Variants in ARSD observed in about 807,000 individuals in gnomAD.
ARSD encodes testis tissue sperm-binding protein Li 39a.
Under a neutral mutation model 32.6 loss-of-function variants are expected in ARSD, and 21 were observed. The observed-to-expected ratio is 0.64, with a 90% CI of 0.46 to 0.93. The LOEUF (loss-of-function observed/expected upper bound fraction) is 0.93, where lower values mean the gene tolerates loss of function less well. ARSD is among the 40% of genes least tolerant of loss of function. The probability of loss-of-function intolerance (pLI) is 0.00; values close to 1 mark genes in which losing one functional copy is unlikely to be tolerated. For missense variants in ARSD, 454 were observed against 520.9 expected (o/e 0.87, Z 1.25); for synonymous variants, 224 against 237.4 (o/e 0.94, Z 0.52).
intron 1 of ARSD, among the ~76,000 whole-genome samples, chrX:2,927,625 AAAGGACCG>A (rs1452784349): frequency 8.9e-6 from 1 of 112,132 alleles, no homozygotes; most frequent in Non-Finnish European, 1.9e-5. Context: ...CTAAGTAACA[AAAGGACCG>A]AAGGCTTCCC....
intron 8 of ARSD, 28 bp downstream of exon 8, chrX:2,909,789 G>C: frequency 2.7e-6 from 3 of 1,116,607 alleles, no homozygotes; most frequent in Non-Finnish European, 3.5e-6. Context: ...AAAAAAATCA[G>C]GGAACAGGCA....
chrX:2,926,965 C>T (rs1358331514), intron 1 of ARSD, among the ~76,000 whole-genome samples: 1 of 107,316 alleles, frequency 9.3e-6, no homozygotes, highest in African/African-American at 3.4e-5. Context: ...CGTGGCTGTG[C>T]TCTCCGGGGA....
intron 1 of ARSD, among the ~76,000 whole-genome samples, chrX:2,927,231 C>T (rs1377890633): frequency 1.4e-5 from 1 of 73,443 alleles, no homozygotes; most frequent in African/African-American, 7.4e-5. Flanking sequence ...AAGGAAAATC[C>T]TAACTTTCCT....
At chrX:2,910,020 C>T in intron 7 of ARSD, 41 bp from the exon 8 acceptor site, 1 of 1,205,519 alleles carries the variant, frequency 8.3e-7, no homozygotes, top group Non-Finnish European at 1.1e-6. Flanking sequence ...CCGGAAACTG[C>T]CCAGTCTGTA....
intron 1 of ARSD, among the ~76,000 whole-genome samples, chrX:2,928,930 C>G (rs188001211): frequency 2.7e-5 from 3 of 112,216 alleles, no homozygotes; most frequent in Non-Finnish European, 5.7e-5. Context: ...CTTCCTCCGC[C>G]CTCCCTTCCC....
chrX:2,906,333 C>A lies in ARSD; in HGVS notation c.*938G>T, dbSNP rs2088851938. Reference sequence around the variant, plus strand: ...TTTGTTTTTTGTAGAGATGAGGTCTCACTGTGTTGCTCAGGCTGGGTAGGT... The same window carrying A: ...TTTGTTTTTTGTAGAGATGAGGTCTAACTGTGTTGCTCAGGCTGGGTAGGT... On this transcript the variant is annotated 3_prime_UTR_variant, in exon 10 of 10. Transcript: ENST00000381154. 9.1e-6 allele frequency: 1 copy of A among 110,464 alleles called. No individual in the cohort carries two copies. Among genetic ancestry groups the A allele is most frequent in the Non-Finnish European group, 1.9e-5 (1 of 52,942 alleles). The allele number at this position is 110,464 out of a possible 1,213,427, so 9.1% of individuals were successfully genotyped here.
Position 2,916,527 on chromosome X carries a change from G to A in ARSD, c.864-835C>T, listed in dbSNP as rs776245922. 1.3e-4 allele frequency among the ~76,000 whole-genome samples: 14 copies of A among 111,513 alleles called. No homozygotes were observed. In the East Asian group the frequency reaches 3.9e-3, roughly 31 times the overall value. ...AAAAGGTTATATCTGGTATATGTAC[G>A]TGATGGAATACTATTCAGCCATCAA... On this transcript the variant is annotated intron_variant, in intron 5 of 9. Transcript: ENST00000381154.
chrX:2,920,539 G>T (rs1405586011), intron 4 of ARSD, 62 bp downstream of exon 4: 2 of 1,205,184 alleles, frequency 1.7e-6, no homozygotes, highest in Admixed American at 4.4e-5. Context: ...CCTGGCCTGG[G>T]ATCTTTTTTA....
Position 2,907,105 on chromosome X carries a change from A to G in ARSD, c.*166T>C, listed in dbSNP as rs1247619782. The G allele has an allele frequency of 4.2e-6, 2 of 476,305 alleles. No individual in the cohort carries two copies. Among genetic ancestry groups the G allele is most frequent in the African/African-American group, 5.2e-5 (2 of 38,223 alleles). 39.3% of individuals were successfully genotyped at this position (476,305 alleles called of 1,213,427 possible). ...GCATTCCAGCCTGAGGGACAGAGCG[A>G]CACTCTGTCTCAAAAAAGAAAGAAA... is the stretch of plus-strand genomic sequence containing the variant. On this transcript the variant is annotated 3_prime_UTR_variant, in exon 10 of 10. Transcript: ENST00000381154.
chrX:2,922,842 CAAAAAAAAAAAAAAAAAAAA>C (rs60380048), intron 2 of ARSD, among the ~76,000 whole-genome samples: 5 of 43,723 alleles, frequency 1.1e-4, no homozygotes, highest in East Asian at 8.4e-4. Flanking sequence ...GACCGTGTCT[CAAAAAAAAAAAAAAAAAAAA>C]AAAAAAAAAG....
intron 9 of ARSD, among the ~76,000 whole-genome samples, chrX:2,908,248 T>C (rs1343580636): frequency 3.6e-5 from 4 of 111,260 alleles, no homozygotes; most frequent in African/African-American, 9.8e-5. Context: ...TCTATCTATC[T>C]ATCATCTATC....
intron 2 of ARSD, among the ~76,000 whole-genome samples, 189 bp from the exon 3 acceptor site, chrX:2,922,213 A>ATCTC (rs776777408): frequency 3.8e-5 from 4 of 105,780 alleles, no homozygotes; most frequent in Admixed American, 1.0e-4. Context: ...GATGGATGAC[A>ATCTC]TCTCTCTCTC....
chrX:2,917,239 A>G (rs2088970657), intron 5 of ARSD, among the ~76,000 whole-genome samples: 1 of 110,360 alleles, frequency 9.1e-6, no homozygotes, highest in Admixed American at 9.7e-5. Context: ...TGCAAAAAAA[A>G]AAGTTTAAAA....
intron 1 of ARSD, among the ~76,000 whole-genome samples, chrX:2,928,957 T>C (rs1350457312): frequency 1.8e-5 from 2 of 112,298 alleles, no homozygotes; most frequent in Admixed American, 1.9e-4. Flanking sequence ...CTTTGTTCTC[T>C]TTCCCTGCCC....
intron 7 of ARSD, among the ~76,000 whole-genome samples, chrX:2,910,440 C>A (rs1268541173): frequency 9.1e-6 from 1 of 109,694 alleles, no homozygotes; most frequent in Non-Finnish European, 1.9e-5. Context: ...TTATTTATAC[C>A]TCTCTGTATT....
chrX:2,910,885 T>C (rs2088896018), intron 6 of ARSD, 92 bp from the exon 7 acceptor site: 8 of 1,046,019 alleles, frequency 7.6e-6, no homozygotes, highest in Non-Finnish European at 1.0e-5. Flanking sequence ...AGACACCTCT[T>C]GCCAGGAAGT....
chrX:2,922,842 C>CAAAAAAAAAAAAAAAAAAAA (rs60380048), intron 2 of ARSD, among the ~76,000 whole-genome samples: 4 of 43,723 alleles, frequency 9.1e-5, no homozygotes, highest in African/African-American at 2.2e-4. Context: ...GACCGTGTCT[C>CAAAAAAAAAAAAAAAAAAAA]AAAAAAAAAA....
intron 6 of ARSD, among the ~76,000 whole-genome samples, chrX:2,912,019 A>ACTCGG (rs2147310182): frequency 8.9e-6 from 1 of 112,179 alleles, no homozygotes; most frequent in Admixed American, 9.4e-5. Context: ...GCTTGTATGT[A>ACTCGG]GTCCTAGCTA....
intron 9 of ARSD, among the ~76,000 whole-genome samples, chrX:2,908,222 T>C (rs1283376139): frequency 9.0e-6 from 1 of 111,212 alleles, no homozygotes; most frequent in Admixed American, 9.6e-5. Context: ...CATGAACTGA[T>C]TCTACTTTTT....
Sources: allele counts gnomAD v4.1 joint callset (sites outside exome capture counted in the v4.1 genomes callset), GRCh38; gene constraint gnomAD v4.1.1; transcripts MANE v1.5; gene names NCBI Gene and HGNC (gene_info 2026-07-23, HGNC 2026-07-21).